The following CYP2C19 variants were observed in gnomAD, a reference collection of about 807,000 sequenced individuals.
CYP2C19 encodes cytochrome P450 family 2 subfamily C member 19.
In CYP2C19, 59 loss-of-function variants were observed where a neutral mutation model predicts 40.9. The ratio of observed to expected loss-of-function variants is 1.44; its 90% confidence interval spans 1.17 to 1.79. CYP2C19 has a LOEUF of 1.79. CYP2C19 is among the 40% of genes most tolerant of loss of function. CYP2C19 has a pLI of 0.00. For missense variants in CYP2C19, 754 were observed against 596.9 expected, an observed-to-expected ratio of 1.26 and a Z score of -2.74; for synonymous variants, 253 against 208.7, an observed-to-expected ratio of 1.21 and a Z score of -1.83.
intron 6 of CYP2C19, among the ~76,000 whole-genome samples, chr10:94,835,064 A>T (rs1849382097): frequency 6.6e-6 from 1 of 152,156 alleles, no homozygotes; most frequent in African/African-American, 2.4e-5. Context: ...GGCTGGTCCA[A>T]GGGTCTGCAG....
chr10:94,849,808 T>A, intron 7 of CYP2C19, 109 bp from the exon 8 acceptor site: 1 of 1,324,790 alleles, frequency 7.5e-7, no homozygotes, highest in Non-Finnish European at 1.1e-6. Context: ...TTCTTTGGAA[T>A]GGTGTTTCAT....
At chr10:94,810,879 C>A (rs539801262) in intron 5 of CYP2C19, among the ~76,000 whole-genome samples, 1 of 152,196 alleles carries the variant, frequency 6.6e-6, no homozygotes, top group East Asian at 1.9e-4. Flanking sequence ...CTGTCTCTAT[C>A]TCCTTCAATT....
intron 6 of CYP2C19, among the ~76,000 whole-genome samples, chr10:94,829,653 C>T (rs1228246476): frequency 2.0e-5 from 3 of 151,548 alleles, no homozygotes; most frequent in South Asian, 4.3e-4. Context: ...CTTCTCTCAG[C>T]TCATCAAAGT....
chr10:94,807,611 T>G (rs1467392796), intron 5 of CYP2C19, among the ~76,000 whole-genome samples: 1 of 152,186 alleles, frequency 6.6e-6, no homozygotes, highest in Non-Finnish European at 1.5e-5. Flanking sequence ...TATCTCATTG[T>G]GGCTTTGATT....
intron 5 of CYP2C19, among the ~76,000 whole-genome samples, chr10:94,817,420 G>A (rs1236883229): frequency 2.1e-5 from 3 of 143,020 alleles, no homozygotes; most frequent in Non-Finnish European, 4.6e-5. Context: ...ACTTTTTGAT[G>A]GGGTTGTTTG....
intron 8 of CYP2C19, 83 bp from the exon 9 acceptor site, chr10:94,852,650 T>A: frequency 1.4e-6 from 2 of 1,462,438 alleles, no homozygotes; most frequent in Non-Finnish European, 1.9e-6. Context: ...GCATATTCTG[T>A]CTGTGCCAGT....
intron 5 of CYP2C19, among the ~76,000 whole-genome samples, chr10:94,811,286 G>A (rs1848919242): frequency 6.6e-6 from 1 of 152,224 alleles, no homozygotes; most frequent in East Asian, 1.9e-4. Flanking sequence ...TTGCTGATGG[G>A]TGTTTTACTT....
At chr10:94,780,451 T>G in intron 3 of CYP2C19, 48 bp from the exon 4 acceptor site, 1 of 1,603,126 alleles carries the variant, frequency 6.2e-7, no homozygotes, top group Non-Finnish European at 8.5e-7. Context: ...ATGAAGTGTT[T>G]TATATCTAAT....
In CYP2C19 at chr10:94,842,956, C is replaced by A; in HGVS notation, c.1081C>A (p.Leu361Ile). The A allele has an allele frequency of 1.2e-6, 2 of 1,614,210 alleles. No homozygotes were observed. Among genetic ancestry groups the A allele is most frequent in the Non-Finnish European group, 1.7e-6 (2 of 1,180,044 alleles). The change falls in exon 7 of 9, where the codon CTC (leucine) becomes ATC (isoleucine). Residue 361 changes from leucine to isoleucine, a missense_variant. Transcript: ENST00000371321. Reference protein sequence around the residue: ...VVHEVQRYIDLIPTSLPHAVT... With the variant: ...VVHEVQRYIDIIPTSLPHAVT... ...GCACGAGGTCCAGAGATACATCGAC[C>A]TCATCCCCACCAGCCTGCCCCATGC...
chr10:94,801,817 T>C lies in CYP2C19; in HGVS notation c.820-18679T>C, dbSNP rs1848769137. Reference sequence around the variant, plus strand: ...ATTTAGGATAGTTAGCTCTTCTTGTTACATTGTGTCTGGATTTTGTTCCTT... The same window carrying C: ...ATTTAGGATAGTTAGCTCTTCTTGTCACATTGTGTCTGGATTTTGTTCCTT... On this transcript the variant is annotated intron_variant, in intron 5 of 8. Transcript: ENST00000371321. 2.6e-5 allele frequency among the ~76,000 whole-genome samples: 4 copies of C among 152,228 alleles called. No individual in the cohort carries two copies. The South Asian group carries it at 8.3e-4, about 32-fold the overall frequency.
intron 6 of CYP2C19, among the ~76,000 whole-genome samples, chr10:94,822,894 T>C (rs1392262528): frequency 6.6e-6 from 1 of 152,156 alleles, no homozygotes; most frequent in Non-Finnish European, 1.5e-5. Context: ...GAAGTGTCTG[T>C]TCATGTCCTT....
intron 6 of CYP2C19, among the ~76,000 whole-genome samples, chr10:94,829,819 G>T (rs112835152): frequency 6.7e-6 from 1 of 149,480 alleles, no homozygotes; most frequent in East Asian, 2.0e-4. Flanking sequence ...ATGGTGATGT[G>T]CAGATGGGTT....
At chr10:94,796,327 T>A (rs1393315617) in intron 5 of CYP2C19, among the ~76,000 whole-genome samples, 1 of 152,188 alleles carries the variant, frequency 6.6e-6, no homozygotes, top group African/African-American at 2.4e-5. Flanking sequence ...GTATTATTTC[T>A]GAGGGCTCTG....
chr10:94,812,595 T>G (rs963549869), intron 5 of CYP2C19, among the ~76,000 whole-genome samples: 3 of 152,192 alleles, frequency 2.0e-5, no homozygotes, highest in Admixed American at 6.5e-5. Flanking sequence ...ATTTTTTAAC[T>G]TTTTTCTTCA....
chr10:94,853,614 C>T lies in CYP2C19; in HGVS notation c.*700C>T, dbSNP rs1202014859. 2.0e-5 allele frequency among the ~76,000 whole-genome samples: 3 copies of T among 148,292 alleles called. No individual in the cohort carries two copies. The highest frequency in any genetic ancestry group is 4.4e-5 in the Non-Finnish European group (3 of 67,664). The stretch of plus-strand genomic sequence containing the variant: ...AGGCTGGAGTGCAGTGGTGCAATCT[C>T]GGCTCACTGTAACCTTCGCCTCCCA... On this transcript the variant is annotated 3_prime_UTR_variant, in exon 9 of 9. Transcript: ENST00000371321.
In CYP2C19 at chr10:94,798,192, GT is replaced by G. The variant is rs576742814; in HGVS notation, c.819+16198del. 5.7e-4 allele frequency among the ~76,000 whole-genome samples: 86 copies of G among 151,990 alleles called. 2 individuals are homozygous for G. The South Asian group carries it at 8.3e-3, about 15-fold the overall frequency. On this transcript the variant is annotated intron_variant, in intron 5 of 8. Transcript: ENST00000371321. Reference sequence around the variant, plus strand: ...TCCCAGAGATTCTAGTATATTGCATGTTTGTTCTCATTGGTTTCAAAGAACA... The same window carrying G: ...TCCCAGAGATTCTAGTATATTGCATGTTGTTCTCATTGGTTTCAAAGAACA...
chr10:94,824,459 TGAA>T (rs1165903984), intron 6 of CYP2C19, among the ~76,000 whole-genome samples: 1 of 152,122 alleles, frequency 6.6e-6, no homozygotes, highest in Non-Finnish European at 1.5e-5. Flanking sequence ...AGTGTGAGAA[TGAA>T]GAGAATACCA....
chr10:94,792,163 T>A (rs550347527), intron 5 of CYP2C19, among the ~76,000 whole-genome samples: 1 of 152,170 alleles, frequency 6.6e-6, no homozygotes, highest in Non-Finnish European at 1.5e-5. Flanking sequence ...AAGTCTGTTT[T>A]ATCAGAGACT....
intron 1 of CYP2C19, among the ~76,000 whole-genome samples, chr10:94,763,239 C>T (rs1311930378): frequency 6.6e-6 from 1 of 152,024 alleles, no homozygotes; most frequent in African/African-American, 2.4e-5. Context: ...ACTATATTAG[C>T]CATGTGTTTT....
Sources: allele counts gnomAD v4.1 joint callset (sites outside exome capture counted in the v4.1 genomes callset), GRCh38; gene constraint gnomAD v4.1.1; transcripts MANE v1.5; gene names NCBI Gene and HGNC (gene_info 2026-07-23, HGNC 2026-07-21).